Variants in DPP6 observed in about 807,000 individuals in gnomAD.
DPP6 encodes dipeptidyl peptidase like 6, also known as A-type potassium channel modulatory protein DPP6.
In DPP6, 69 loss-of-function variants were observed where a neutral mutation model predicts 122.6. The observed-to-expected ratio is 0.56, with a 90% CI of 0.46 to 0.69. DPP6 has a LOEUF of 0.69. Among genes scored for constraint, DPP6 ranks in the 30% least tolerant of loss-of-function variants. The pLI, the probability that DPP6 is intolerant of heterozygous loss-of-function variation, is 0.00. For missense variants in DPP6, 928 were observed against 1,116.9 expected, an observed-to-expected ratio of 0.83 and a Z score of 2.41; for synonymous variants, 418 against 433.1, an observed-to-expected ratio of 0.97 and a Z score of 0.43.
At chr7:154,095,720 G>A (rs552094303) in intron 1 of DPP6, 2 of 111,308 alleles carry the variant, frequency 1.8e-5, no homozygotes, top group Non-Finnish European at 1.9e-5. Context: ...CGGCCTTGGC[G>A]TGTCCCTGAG....
intron 1 of DPP6, among the ~76,000 whole-genome samples, chr7:154,013,716 T>A (rs553544582): frequency 6.6e-6 from 1 of 152,190 alleles, no homozygotes; most frequent in Admixed American, 6.5e-5. Context: ...TCTTCTATGT[T>A]CTCTTCTCAG....
At chr7:153,950,606 G>A (rs1802164799) in intron 1 of DPP6, among the ~76,000 whole-genome samples, 1 of 152,188 alleles carries the variant, frequency 6.6e-6, no homozygotes, top group African/African-American at 2.4e-5. Flanking sequence ...GTGGAAATAA[G>A]GAAAGATTGG....
chr7:154,301,923 T>A (rs1057192257), intron 1 of DPP6, among the ~76,000 whole-genome samples: 3 of 150,304 alleles, frequency 2.0e-5, no homozygotes, highest in Middle Eastern at 3.5e-3. Context: ...GTTCAAGTGA[T>A]CCTCCTGCCT....
At chr7:154,665,270 G>T (rs188869320) in intron 6 of DPP6, among the ~76,000 whole-genome samples, 1 of 152,210 alleles carries the variant, frequency 6.6e-6, no homozygotes, top group East Asian at 1.9e-4. Context: ...GTTGGCCTTG[G>T]TCATTTGCTT....
rs530559713 is a variant in DPP6 at position 154,859,730 on chromosome 7, T to TCAAA, written c.1714+5911_1714+5914dup. Reference sequence around the variant, plus strand: ...CTATACTCATTTGGTGCCTGGATATTCAAACAAACAACTTAGGTACTGGGA... The same window carrying TCAAA: ...CTATACTCATTTGGTGCCTGGATATTCAAACAAACAAACAACTTAGGTACTGGGA... On this transcript the variant is annotated intron_variant, in intron 17 of 25. Transcript: ENST00000377770. Among the ~76,000 whole-genome samples the TCAAA allele has an allele frequency of 1.9e-4, 29 of 152,280 alleles. No individual in the cohort carries two copies. In the East Asian group the frequency reaches 3.5e-3, roughly 18 times the overall value.
chr7:154,427,797 A>G (rs1818036449), intron 1 of DPP6, among the ~76,000 whole-genome samples: 1 of 152,180 alleles, frequency 6.6e-6, no homozygotes, highest in Admixed American at 6.5e-5. Context: ...CAGCCTTCAG[A>G]CACTAGGCAT....
rs1418648391 is a variant in DPP6, at chr7:153,980,898, C to T, written c.51+93164C>T. 6.6e-5 allele frequency among the ~76,000 whole-genome samples: 10 copies of T among 152,022 alleles called. 1 individual carries two copies. Among genetic ancestry groups the T allele is most frequent in the South Asian group, 4.2e-4 (2 of 4,818 alleles). On this transcript the variant is annotated intron_variant, in intron 1 of 25. Coordinates refer to the DPP6 transcript ENST00000404039. Reference sequence around the variant, plus strand: ...ATCCTGAGTTCTAATTTGATTGTGCCGTGGTCTGAGAGACTGTTCGCTTTA... The same window carrying T: ...ATCCTGAGTTCTAATTTGATTGTGCTGTGGTCTGAGAGACTGTTCGCTTTA...
At chr7:153,845,786 A>C in the DPP6 span, among the ~76,000 whole-genome samples, 3 of 152,120 alleles carry the variant, frequency 2.0e-5, no homozygotes, top group Non-Finnish European at 4.4e-5. Context: ...AATAAGTTAA[A>C]ATATAATCAA....
At chr7:154,133,906 C>G (rs1261539002) in intron 1 of DPP6, among the ~76,000 whole-genome samples, 3 of 151,232 alleles carry the variant, frequency 2.0e-5, no homozygotes, top group Non-Finnish European at 4.4e-5. Context: ...TCCACGCCCC[C>G]CATGGCCTCT....
At chr7:154,451,361 CAAAAA>C (rs397890050) in intron 2 of DPP6, among the ~76,000 whole-genome samples, 1 of 122,150 alleles carries the variant, frequency 8.2e-6, no homozygotes, top group Non-Finnish European at 1.7e-5. Flanking sequence ...CCTGTCTCAC[CAAAAA>C]AAAAAAAAAA....
intron 1 of DPP6, among the ~76,000 whole-genome samples, chr7:154,307,223 T>C (rs1806426778): frequency 6.6e-6 from 1 of 152,174 alleles, no homozygotes; most frequent in African/African-American, 2.4e-5. Flanking sequence ...TGGGAATAGT[T>C]AATTAGGGTG....
At chr7:154,719,635 G>A (rs1284813823) in intron 7 of DPP6, among the ~76,000 whole-genome samples, 2 of 152,118 alleles carry the variant, frequency 1.3e-5, no homozygotes, top group African/African-American at 2.4e-5. Flanking sequence ...GTAAAGAGTC[G>A]AGTCTGCACA....
intron 7 of DPP6, among the ~76,000 whole-genome samples, chr7:154,714,110 T>A (rs1841348135): frequency 6.6e-6 from 1 of 152,232 alleles, no homozygotes; most frequent in East Asian, 1.9e-4. Context: ...TATCTTCATC[T>A]GAGACCACCT....
chr7:154,794,916 T>C (rs1797947187), intron 11 of DPP6, among the ~76,000 whole-genome samples: 1 of 147,686 alleles, frequency 6.8e-6, no homozygotes, highest in African/African-American at 2.6e-5. Context: ...TGATCTTAAG[T>C]TTCTGTCTCC....
chr7:153,873,381 T>C, the DPP6 span, among the ~76,000 whole-genome samples: 1 of 152,122 alleles, frequency 6.6e-6, no homozygotes, highest in Non-Finnish European at 1.5e-5. Context: ...ATTTAAACAA[T>C]ATATTTAAAC....
At chr7:154,087,739 A>G (rs1358089794) in intron 1 of DPP6, among the ~76,000 whole-genome samples, 3 of 152,198 alleles carry the variant, frequency 2.0e-5, no homozygotes, top group Non-Finnish European at 4.4e-5. Flanking sequence ...TAAATTTTAT[A>G]GCCCAGTGGT....
At chr7:154,169,335 G>A (rs1433160690) in intron 1 of DPP6, among the ~76,000 whole-genome samples, 1 of 152,076 alleles carries the variant, frequency 6.6e-6, no homozygotes, top group Non-Finnish European at 1.5e-5. Context: ...GGTGGGCGGG[G>A]TGGGGTCCAT....
chr7:154,213,075 C>T (rs1338341656), intron 1 of DPP6, among the ~76,000 whole-genome samples: 1 of 152,172 alleles, frequency 6.6e-6, no homozygotes, highest in African/African-American at 2.4e-5. Context: ...TCTCGAAGGG[C>T]TGTGTCCTCC....
In DPP6 at chr7:154,804,946, G is replaced by A. The variant is rs376645809; in HGVS notation, c.1529G>A (p.Arg510Gln). The change falls in exon 15 of 26, where the codon CGG becomes CAG. Residue 510 changes from arginine (R) to glutamine (Q), a missense_variant. Arg to Gln is a conservative substitution (Grantham distance 43). Transcript: ENST00000377770. ...TTCCTGAGCACGGAGGACCTGCCTC[G>A]GAGACGACAACTCTACAGGTAACTC... ...IYFLSTEDLP[R>Q]RRQLYSANTV... is the part of the protein sequence containing the mutation. 8.7e-6 allele frequency: 14 copies of A among 1,601,482 alleles called. No individual in the cohort carries two copies. The highest frequency in any genetic ancestry group is 2.7e-5 in the African/African-American group (2 of 74,820).
Sources: gnomAD v4.1 joint callset for allele counts (sites outside exome capture counted in the v4.1 genomes callset) on GRCh38, gnomAD v4.1.1 for gene constraint, MANE v1.5 for transcripts, NCBI Gene and HGNC (gene_info 2026-07-23, HGNC 2026-07-21) for gene names.